The following ZBTB20 variants were observed in gnomAD, a reference collection of about 807,000 sequenced individuals.
ZBTB20 encodes the protein zinc finger and BTB domain-containing protein 20.
A neutral mutation model predicts 56.9 loss-of-function variants in ZBTB20; 9 were observed. That is an observed-to-expected ratio of 0.16 (90% CI 0.10 to 0.28). The LOEUF (loss-of-function observed/expected upper bound fraction) is 0.28, where lower values mean the gene tolerates loss of function less well. Ranked by LOEUF, ZBTB20 falls within the 10% of genes least tolerant of loss-of-function variation. The pLI, the probability that ZBTB20 is intolerant of heterozygous loss-of-function variation, is 1.00. For missense variants in ZBTB20, 655 were observed against 1,003.0 expected (o/e 0.65, Z 4.69); for synonymous variants, 417 against 420.7 (o/e 0.99, Z 0.11).
At chr3:114,477,668 T>C (rs2040960607) in intron 7 of ZBTB20, among the ~76,000 whole-genome samples, 1 of 151,826 alleles carries the variant, frequency 6.6e-6, no homozygotes, top group South Asian at 2.1e-4. Flanking sequence ...GCTAATTTTG[T>C]ATTTTTAGTA....
At position 114,337,637 on chromosome 3, in the gene ZBTB20, G is replaced by C. The variant is rs1188775665; in HGVS notation, c.*1368C>G. The C allele has an allele frequency of 2.0e-5, 3 of 151,980 alleles. No individual in the cohort carries two copies. The highest frequency in any genetic ancestry group is 7.3e-5 in the African/African-American group (3 of 41,362). The allele number at this position is 151,980 out of a possible 1,614,324, so 9.4% of individuals were successfully genotyped here. ...ATTCAAATTACAGCAGGGATGGGCT[G>C]GCCACAGAGGCCCTCATCAACCCAG... On this transcript the variant is annotated 3_prime_UTR_variant, in exon 12 of 12. Coordinates refer to ENST00000675478, the MANE Select transcript of ZBTB20 (RefSeq NM_001348800.3).
intron 6 of ZBTB20, among the ~76,000 whole-genome samples, chr3:114,683,842 T>C (rs1309643248): frequency 6.6e-6 from 1 of 152,034 alleles, no homozygotes; most frequent in South Asian, 2.1e-4. Context: ...GAAGGGACCA[T>C]GACAGCACTG....
intron 7 of ZBTB20, among the ~76,000 whole-genome samples, chr3:114,425,368 G>A (rs964579439): frequency 5.9e-5 from 9 of 152,126 alleles, no homozygotes; most frequent in African/African-American, 1.9e-4. Flanking sequence ...TCTTCTACAC[G>A]TTGTCTCTGC....
intron 11 of ZBTB20, among the ~76,000 whole-genome samples, chr3:114,340,983 G>A (rs1201982888): frequency 1.3e-5 from 2 of 152,122 alleles, no homozygotes; most frequent in Non-Finnish European, 2.9e-5. Flanking sequence ...AAGCAAGGTT[G>A]GTATTAAGTG....
At chr3:114,853,274 T>C (rs2075086229) in intron 4 of ZBTB20, among the ~76,000 whole-genome samples, 1 of 152,204 alleles carries the variant, frequency 6.6e-6, no homozygotes, top group African/African-American at 2.4e-5. Flanking sequence ...GGAGCATGTG[T>C]CCATCAACTT....
At chr3:114,424,767 C>G (rs546720539) in intron 7 of ZBTB20, among the ~76,000 whole-genome samples, 433 of 152,136 alleles carry the variant, frequency 2.8e-3, no homozygotes, top group Middle Eastern at 0.017. Flanking sequence ...AGAAAAGAAG[C>G]AATTTAAAAA....
rs541273324 is a variant in ZBTB20 at position 114,610,678 on chromosome 3, C to T, written c.-295+82850G>A. ...CTCAAAAAGGGTTGTCCCTATTCAA[C>T]ATCCATGAAATCAGGAGAGTCCAAA... On this transcript the variant is annotated intron_variant, in intron 6 of 11. Coordinates refer to ENST00000675478, the MANE Select transcript of ZBTB20 (RefSeq NM_001348800.3). Among the ~76,000 whole-genome samples the T allele has an allele frequency of 2.6e-5, 4 of 152,312 alleles. No individual in the cohort carries two copies. The South Asian group carries it at 8.3e-4, about 32-fold the overall frequency.
At chr3:114,892,329 A>G (rs963572087) in intron 4 of ZBTB20, among the ~76,000 whole-genome samples, 1 of 152,202 alleles carries the variant, frequency 6.6e-6, no homozygotes, top group Non-Finnish European at 1.5e-5. Context: ...GGAACAGCAA[A>G]TAAATTTGGT....
At chr3:114,561,138 G>C (rs1267500545) in intron 6 of ZBTB20, among the ~76,000 whole-genome samples, 1 of 152,098 alleles carries the variant, frequency 6.6e-6, no homozygotes, top group Non-Finnish European at 1.5e-5. Flanking sequence ...TACATCTTCA[G>C]GCTTCACTTC....
At chr3:115,142,094 G>T (rs2084826674) in intron 1 of ZBTB20, among the ~76,000 whole-genome samples, 1 of 152,134 alleles carries the variant, frequency 6.6e-6, no homozygotes, top group Non-Finnish European at 1.5e-5. Context: ...TAATTAGCTT[G>T]TGTTTCTATG....
intron 2 of ZBTB20, among the ~76,000 whole-genome samples, chr3:115,053,365 G>A (rs62267517): frequency 6.6e-6 from 1 of 152,058 alleles, no homozygotes; most frequent in Non-Finnish European, 1.5e-5. Context: ...ATTGGTTTTA[G>A]GTCAAAGCTA....
chr3:114,348,003 C>G (rs2080334751), intron 11 of ZBTB20, among the ~76,000 whole-genome samples: 1 of 152,144 alleles, frequency 6.6e-6, no homozygotes, highest in African/African-American at 2.4e-5. Context: ...TTCTTATGTC[C>G]AAATCTAGTT....
rs534500213 is a variant in ZBTB20 at position 114,861,353 on chromosome 3, G to A, written c.-417+38951C>T. Among the ~76,000 whole-genome samples, 3 of 152,070 alleles carry A rather than the reference G, an allele frequency of 2.0e-5. No individual in the cohort carries two copies. The South Asian group carries it at 6.2e-4, about 32-fold the overall frequency. On this transcript the variant is annotated intron_variant, in intron 4 of 11. Coordinates refer to ENST00000675478, the MANE Select transcript of ZBTB20 (RefSeq NM_001348800.3). ...TGTCTTATTCCTTAGTTTATTGCTA[G>A]TGTCCAGTACTGTGCCTAATATATG...
chr3:115,136,030 T>A (rs548816747), intron 1 of ZBTB20, among the ~76,000 whole-genome samples: 165 of 152,236 alleles, frequency 1.1e-3, no homozygotes, highest in African/African-American at 3.8e-3. Context: ...GGTTTCATCC[T>A]TAAATCAGCA....
In ZBTB20 at chr3:114,320,264, T is replaced by C. The variant is rs960567277; in HGVS notation, c.*18741A>G. On this transcript the variant is annotated 3_prime_UTR_variant, in exon 12 of 12. Transcript: ENST00000675478. ...TCCCTCATGGTTTTGCTTTGTTTTG[T>C]TTCTGATTTTTTAAACAGTGAAATA... 8 of 152,212 alleles carry C rather than the reference T, an allele frequency of 5.3e-5. No individual in the cohort carries two copies. Among genetic ancestry groups the C allele is most frequent in the Middle Eastern group, 3.2e-3 (1 of 316 alleles). The allele number at this position is 152,212 out of a possible 1,614,324, so 9.4% of individuals were successfully genotyped here. A position where few individuals can be genotyped will look rare whatever the true frequency, so the allele number is the denominator to read the frequency against.
intron 6 of ZBTB20, among the ~76,000 whole-genome samples, chr3:114,561,681 T>A (rs1232751913): frequency 6.6e-6 from 1 of 152,050 alleles, no homozygotes; most frequent in Non-Finnish European, 1.5e-5. Context: ...ATTATTCCAT[T>A]TATAGAGCTC....
intron 6 of ZBTB20, among the ~76,000 whole-genome samples, chr3:114,619,052 G>C (rs575612748): frequency 1.3e-5 from 2 of 152,260 alleles, no homozygotes; most frequent in African/African-American, 4.8e-5. Context: ...CTACCCAGGA[G>C]GACATTGTGT....
intron 2 of ZBTB20, among the ~76,000 whole-genome samples, chr3:115,036,927 A>G (rs1295645935): frequency 6.6e-6 from 1 of 152,158 alleles, no homozygotes; most frequent in Non-Finnish European, 1.5e-5. Flanking sequence ...ATTAGCAGAG[A>G]GCATTCTAAA....
rs1452730513 is a variant in ZBTB20, at chr3:114,945,259, T to C, written c.-456+29107A>G. On this transcript the variant is annotated intron_variant, in intron 3 of 11. Coordinates refer to ENST00000675478, the MANE Select transcript of ZBTB20 (RefSeq NM_001348800.3). ...ACTGCGGAAATATTTCACCGAAAGA[T>C]TCATACTATAAAGAATACTAATAGG... Among the ~76,000 whole-genome samples the C allele has an allele frequency of 1.4e-5, 2 of 145,496 alleles. 1 individual carries two copies. The highest frequency in any genetic ancestry group is 5.6e-5 in the African/African-American group (2 of 35,872).
Sources: allele counts gnomAD v4.1 joint callset (sites outside exome capture counted in the v4.1 genomes callset), GRCh38; gene constraint gnomAD v4.1.1; transcripts MANE v1.5; gene names NCBI Gene and HGNC (gene_info 2026-07-23, HGNC 2026-07-21).